ERCC1: variants seen among roughly 807,000 people sequenced by gnomAD.
The protein encoded by ERCC1 is ERCC excision repair 1, endonuclease non-catalytic subunit.
A neutral mutation model predicts 37.6 loss-of-function variants in ERCC1; 36 were observed. The observed-to-expected ratio is 0.96, with a 90% CI of 0.73 to 1.26. ERCC1 has a LOEUF of 1.26. Ranked by LOEUF, ERCC1 falls within the 50% of genes most tolerant of loss-of-function variation. The probability of loss-of-function intolerance (pLI) is 0.00; values close to 1 mark genes in which losing one functional copy is unlikely to be tolerated. For missense variants in ERCC1, 349 were observed against 376.5 expected (o/e 0.93, Z 0.60); for synonymous variants, 156 against 162.1 (o/e 0.96, Z 0.28).
chr19:45,433,613 G>A (rs778484182), intron 1 of ERCC1, among the ~76,000 whole-genome samples: 1 of 151,786 alleles, frequency 6.6e-6, no homozygotes, highest in Non-Finnish European at 1.5e-5. Context: ...GCTTGAACCC[G>A]GGAGACAGAG....
chr19:45,442,897 G>A (rs1975157560), intron 1 of ERCC1, among the ~76,000 whole-genome samples: 1 of 152,062 alleles, frequency 6.6e-6, no homozygotes, highest in South Asian at 2.1e-4. Context: ...ATGTATAGAA[G>A]AAGCAGGCTG....
chr19:45,428,063 T>C (rs1473304919), upstream of ERCC1, among the ~76,000 whole-genome samples: 1 of 148,540 alleles, frequency 6.7e-6, no homozygotes, highest in African/African-American at 2.6e-5. Context: ...TTTTCTTTTT[T>C]TCTTTTTCTT....
intron 7 of ERCC1, 133 bp downstream of exon 7, chr19:45,414,728 A>G (rs1973947681): frequency 1.4e-6 from 1 of 696,326 alleles, no homozygotes; most frequent in Non-Finnish European, 2.6e-6. Flanking sequence ...CTCTAGCTGC[A>G]GTTTCGGTGG....
intron 5 of ERCC1, 125 bp from the exon 6 acceptor site, chr19:45,417,022 G>C: frequency 2.8e-6 from 2 of 725,494 alleles, no homozygotes; most frequent in South Asian, 3.0e-5. Context: ...GCTTGAACCC[G>C]GGAGGCAGAC....
intron 5 of ERCC1, among the ~76,000 whole-genome samples, chr19:45,417,454 GGA>G (rs1974133061): frequency 6.6e-6 from 1 of 152,178 alleles, no homozygotes; most frequent in South Asian, 2.1e-4. Flanking sequence ...AGGATGAAAA[GGA>G]GACCAGAAAA....
At chr19:45,411,633 A>G (rs1259091799) in intron 9 of ERCC1, among the ~76,000 whole-genome samples, 1 of 151,930 alleles carries the variant, frequency 6.6e-6, no homozygotes, top group Non-Finnish European at 1.5e-5. Flanking sequence ...ATCTCTACTA[A>G]AAATACAAAA....
chr19:45,435,625 G>A (rs543030053), intron 1 of ERCC1, among the ~76,000 whole-genome samples: 3 of 152,070 alleles, frequency 2.0e-5, no homozygotes, highest in Non-Finnish European at 4.4e-5. Context: ...GCCAGAGCTG[G>A]CTATTTTTGT....
intron 1 of ERCC1, among the ~76,000 whole-genome samples, chr19:45,447,266 GCTT>G (rs869168495): frequency 3.6e-5 from 5 of 140,132 alleles, no homozygotes; most frequent in Non-Finnish European, 7.5e-5. Context: ...ACACAGATTT[GCTT>G]CTTTTTTTTT....
chr19:45,439,423 T>C (rs1975061240), intron 1 of ERCC1, among the ~76,000 whole-genome samples: 1 of 152,060 alleles, frequency 6.6e-6, no homozygotes, highest in African/African-American at 2.4e-5. Context: ...ATAGGCCGGG[T>C]GCAGTGGCTC....
chr19:45,407,398 A>AG lies in ERCC1; in HGVS notation c.*2276dup. The AG allele has an allele frequency of 1.6e-6, 1 of 630,548 alleles. No homozygotes were observed. Among genetic ancestry groups the AG allele is most frequent in the Non-Finnish European group, 2.6e-6 (1 of 377,570 alleles). 39.1% of individuals were successfully genotyped at this position (630,548 alleles called of 1,614,324 possible). On this transcript the variant is annotated 3_prime_UTR_variant, in exon 10 of 10. Transcript: ENST00000300853. Reference sequence around the variant, plus strand: ...ACAGAGTAGAGTGTCCTCAGAAAGCAGGGGGAGAAACCCACAGCCCTTTGT... The same window carrying AG: ...ACAGAGTAGAGTGTCCTCAGAAAGCAGGGGGGAGAAACCCACAGCCCTTTGT...
chr19:45,426,959 TAAAAAAAAAAAA>T (rs1555789830), upstream of ERCC1, among the ~76,000 whole-genome samples: 4 of 92,466 alleles, frequency 4.3e-5, no homozygotes, highest in African/African-American at 9.4e-5. Flanking sequence ...AAACTCCATC[TAAAAAAAAAAAA>T]AAAAAAAAAA....
chr19:45,422,424 G>A (rs936243220), intron 2 of ERCC1, among the ~76,000 whole-genome samples: 2 of 151,686 alleles, frequency 1.3e-5, no homozygotes, highest in Admixed American at 6.6e-5. Flanking sequence ...CCTCTTTCAC[G>A]TCTCTACCAA....
intron 9 of ERCC1, among the ~76,000 whole-genome samples, chr19:45,411,543 C>T (rs921934192): frequency 3.3e-5 from 5 of 152,016 alleles, no homozygotes; most frequent in East Asian, 1.9e-4. Context: ...CCTGTAATCC[C>T]GGCACTTTGG....
chr19:45,416,767 G>T, intron 6 of ERCC1, 54 bp downstream of exon 6: 1 of 1,374,480 alleles, frequency 7.3e-7, no homozygotes, highest in Non-Finnish European at 1.0e-6. Context: ...GGATGGGGGA[G>T]CAGGGACCAA....
chr19:45,451,245 C>G (rs1231142851), intron 1 of ERCC1, among the ~76,000 whole-genome samples: 1 of 152,196 alleles, frequency 6.6e-6, no homozygotes, highest in African/African-American at 2.4e-5. Context: ...GCGCCTCCCG[C>G]GCTGTGGCTG....
chr19:45,421,031 C>T, intron 3 of ERCC1, 147 bp downstream of exon 3: 1 of 749,194 alleles, frequency 1.3e-6, no homozygotes, highest in South Asian at 1.5e-5. Flanking sequence ...TCAACCCACA[C>T]ACTGCTGTCG....
At chr19:45,410,169 G>A (rs1973626638) in intron 9 of ERCC1, 1 of 153,360 alleles carries the variant, frequency 6.5e-6, no homozygotes, top group Admixed American at 6.6e-5. Context: ...ATAGGTGTGA[G>A]CCACTGCGCC....
At chr19:45,441,670 C>T (rs1322204719) in intron 1 of ERCC1, among the ~76,000 whole-genome samples, 3 of 151,520 alleles carry the variant, frequency 2.0e-5, no homozygotes, top group African/African-American at 7.3e-5. Flanking sequence ...CCACTGCGTC[C>T]AGCCTAATTT....
chr19:45,444,359 C>T (rs1365728378), intron 1 of ERCC1, among the ~76,000 whole-genome samples: 1 of 150,170 alleles, frequency 6.7e-6, no homozygotes, highest in African/African-American at 2.4e-5. Flanking sequence ...CGGGCGCGCT[C>T]CCACGCCCGG....
Sources: gnomAD v4.1 joint callset for allele counts (sites outside exome capture counted in the v4.1 genomes callset) on GRCh38, gnomAD v4.1.1 for gene constraint, MANE v1.5 for transcripts, NCBI Gene and HGNC (gene_info 2026-07-23, HGNC 2026-07-21) for gene names.